WDR90: variants seen among roughly 807,000 people sequenced by gnomAD.
WDR90 encodes WD repeat-containing protein 90.
Under a neutral mutation model 195.2 loss-of-function variants are expected in WDR90, and 238 were observed. The observed-to-expected ratio is 1.22, with a 90% confidence interval of 1.10 to 1.36. The LOEUF (loss-of-function observed/expected upper bound fraction) is 1.36. Ranked by LOEUF, WDR90 falls within the 40% of genes most tolerant of loss-of-function variation. The probability of loss-of-function intolerance (pLI) is 0.00; values close to 1 mark genes in which losing one functional copy is unlikely to be tolerated. For synonymous variants in WDR90, 1,265 were observed against 1,052.4 expected (o/e 1.20, Z -3.91); for missense variants, 2,734 against 2,439.5 (o/e 1.12, Z -2.54).
rs200636597 is a variant in WDR90, at chr16:666,808, C to G, written c.5004+16C>G. 5.0e-6 allele frequency: 8 copies of G among 1,612,530 alleles called. No individual in the cohort carries two copies. The African/African-American group carries it at 8.0e-5, about 16-fold the overall frequency. On this transcript the variant is annotated intron_variant, in intron 39 of 40. Transcript: ENST00000293879. ...CCAGAAGCAGGTACACGCAGCTGCC[C>G]GCGTGTCACTGGGAGCCCCAGGGAT... is the stretch of plus-strand genomic sequence containing the variant.
chr16:658,162 G>T, intron 21 of WDR90, 21 bp from the exon 22 acceptor site: 1 of 1,598,714 alleles, frequency 6.3e-7, no homozygotes. Context: ...CTGACTGTCG[G>T]CCACTTACCA....
At chr16:649,701 C>T (rs1863346076) in intron 1 of WDR90, 62 bp from the exon 2 acceptor site, 3 of 1,490,356 alleles carry the variant, frequency 2.0e-6, no homozygotes, top group Non-Finnish European at 2.7e-6. Flanking sequence ...CCCGGCCCAG[C>T]CCCGCAGTGG....
chr16:666,730 C>T lies in WDR90; in HGVS notation c.4942C>T (p.Leu1648=). The T allele has an allele frequency of 6.8e-6, 11 of 1,612,826 alleles. No individual in the cohort carries two copies. The highest frequency in any genetic ancestry group is 9.3e-6 in the Non-Finnish European group (11 of 1,179,966). Residue 1648 remains leucine (L), a synonymous_variant, in exon 39 of 41, where the codon CTG becomes TTG. Transcript: ENST00000293879. Reference sequence around the variant, plus strand: ...CTTCTGCCCTTGGGATGGGGCGCTCCTGATGTACGTGGGCCCCGGTGTTTA... The same window carrying T: ...CTTCTGCCCTTGGGATGGGGCGCTCTTGATGTACGTGGGCCCCGGTGTTTA... ...AAFCPWDGAL[L]MYVGPGVYKE...
Position 667,449 on chromosome 16 carries a change from G to C in WDR90, c.5107G>C (p.Val1703Leu). Residue 1703 changes from valine (V) to leucine (L), a missense_variant, in exon 41 of 41, where the codon GTA becomes CTA. Coordinates refer to ENST00000293879, the MANE Select transcript of WDR90 (RefSeq NM_145294.5). ...ACCCACAGAGTGCATGCTGAGGCTG[G>C]TAGACTGTGCCATGGGGACTGCCCA... ...VGFAECMLRL[V>L]DCAMGTAQDF... is the part of the protein sequence containing the mutation. 6.2e-7 allele frequency: 1 copy of C among 1,603,250 alleles called. No homozygotes were observed. The highest frequency in any genetic ancestry group is 1.7e-5 in the Admixed American group (1 of 59,854).
Position 651,722 on chromosome 16 carries a change from T to C in WDR90, c.815T>C (p.Val272Ala). The C allele has an allele frequency of 1.9e-6, 3 of 1,613,104 alleles. No homozygotes were observed. Among genetic ancestry groups the C allele is most frequent in the South Asian group, 1.1e-5 (1 of 91,088 alleles). Residue 272 changes from valine (V) to alanine (A), a missense_variant, in exon 8 of 41, where the codon GTG becomes GCG. Val to Ala is a moderately conservative substitution (Grantham distance 64). Transcript: ENST00000293879. ...SKPVRFSVSP[V>A]VQTPSPTASG... The stretch of plus-strand genomic sequence containing the variant: ...CCTGTGCGGTTCAGTGTGTCTCCAG[T>C]GGTCCAGACGCCCAGCCCCACAGCC...
intron 34 of WDR90, chr16:665,405 T>C (rs1369848796): frequency 3.4e-6 from 2 of 591,450 alleles, no homozygotes; most frequent in East Asian, 5.7e-5. Flanking sequence ...GCCACGCTCC[T>C]GTCTTTGAGG....
intron 34 of WDR90, chr16:663,156 GT>G (rs1442974760): frequency 2.2e-6 from 1 of 448,450 alleles, no homozygotes; most frequent in East Asian, 5.1e-5. Flanking sequence ...AATCACATCA[GT>G]CCGGGCGTGG....
At chr16:661,293 T>G in intron 29 of WDR90, 49 bp from the exon 30 acceptor site, 2 of 1,546,162 alleles carry the variant, frequency 1.3e-6, no homozygotes, top group Non-Finnish European at 1.7e-6. Context: ...CAGCCTCCAC[T>G]CCAGCCAGCC....
At chr16:661,003 C>A in intron 28 of WDR90, 48 bp from the exon 29 acceptor site, 1 of 94,710 alleles carries the variant, frequency 1.1e-5, no homozygotes, top group Non-Finnish European at 1.6e-5. Flanking sequence ...CCTCCCCGCC[C>A]CCCCCCCCCC....
Position 655,379 on chromosome 16 carries a change from G to A in WDR90, c.1629G>A (p.Val543=), listed in dbSNP as rs761282359. Reference sequence around the variant, plus strand: ...GCGGGGTGCTGCGTTCCTGCCCCGTGGACTTAGGGGAGCACCACGCGCTGC... The same window carrying A: ...GCGGGGTGCTGCGTTCCTGCCCCGTAGACTTAGGGGAGCACCACGCGCTGC... ...LRGGVLRSCP[V]DLGEHHALQF... Residue 543 remains valine (V), a synonymous_variant, in exon 15 of 41, where the codon GTG becomes GTA. Coordinates refer to ENST00000293879, the MANE Select transcript of WDR90 (RefSeq NM_145294.5). The A allele has an allele frequency of 4.4e-6, 7 of 1,599,688 alleles. No individual in the cohort carries two copies. The African/African-American group carries it at 6.7e-5, about 15-fold the overall frequency.
chr16:667,303 C>T (rs2038116076), intron 40 of WDR90, 129 bp from the exon 41 acceptor site: 2 of 1,283,880 alleles, frequency 1.6e-6, no homozygotes, highest in Non-Finnish European at 2.1e-6. Context: ...AGGGCACAGC[C>T]AGGAGCCCTT....
intron 17 of WDR90, 194 bp downstream of exon 17, chr16:656,083 A>G: frequency 1.3e-6 from 1 of 780,712 alleles, no homozygotes; most frequent in South Asian, 1.8e-5. Context: ...GCCTCACGGA[A>G]GGGCCCGGTG....
chr16:656,839 C>A lies in WDR90; in HGVS notation c.2310C>A (p.Ser770Arg). ...GFSSGAVRSF[S>R]LEAAEVLVEH... ...GCAGTGGGGCCGTGCGCTCCTTCAG[C>A]CTGGAGGCCGCTGAGGTCCTGGTGG... is the stretch of plus-strand genomic sequence containing the variant. Residue 770 changes from serine (S) to arginine (R), a missense_variant, in exon 19 of 41, where the codon AGC becomes AGA. Physicochemically the swap from Ser to Arg is moderately radical, Grantham distance 110. Transcript: ENST00000293879. 6.2e-7 allele frequency: 1 copy of A among 1,612,970 alleles called. No individual in the cohort carries two copies. Among genetic ancestry groups the A allele is most frequent in the Non-Finnish European group, 8.5e-7 (1 of 1,179,960 alleles).
At chr16:652,123 C>A in intron 9 of WDR90, 84 bp downstream of exon 9, 1 of 1,426,738 alleles carries the variant, frequency 7.0e-7, no homozygotes. Context: ...GCATTCAGAA[C>A]GGATGTGCCT....
rs1020071362 is a variant in WDR90 at position 656,133 on chromosome 16, G to A, written c.1967-169G>A. ...TGTGAAGCCCCTCAGCCTGGGTCCCGCCTAGCCTAAGAGTGGTGGCCTCGA... is the reference window on the plus strand; with the variant it reads ...TGTGAAGCCCCTCAGCCTGGGTCCCACCTAGCCTAAGAGTGGTGGCCTCGA... On this transcript the variant is annotated intron_variant, in intron 17 of 40. Transcript: ENST00000293879. The A allele has an allele frequency of 9.0e-6, 7 of 779,568 alleles. No homozygotes were observed. The East Asian group carries it at 1.3e-4, about 15-fold the overall frequency. 48.3% of individuals were successfully genotyped at this position (779,568 alleles called of 1,614,324 possible).
intron 29 of WDR90, 74 bp from the exon 30 acceptor site, chr16:661,268 A>G: frequency 1.3e-6 from 2 of 1,530,662 alleles, no homozygotes; most frequent in Non-Finnish European, 1.8e-6. Context: ...CCAAAGACGG[A>G]GCAGACGGCC....
chr16:656,002 C>A (rs1274102106), intron 17 of WDR90, 113 bp downstream of exon 17: 4 of 1,244,598 alleles, frequency 3.2e-6, no homozygotes, highest in Non-Finnish European at 4.3e-6. Context: ...CCTGGCTGCA[C>A]AGGGTGCCAC....
intron 28 of WDR90, 61 bp from the exon 29 acceptor site, chr16:660,990 G>T: frequency 4.6e-5 from 1 of 21,756 alleles, no homozygotes; most frequent in Non-Finnish European, 6.6e-5. Flanking sequence ...CCCTCCCCAG[G>T]CCCCTCCCCG....
rs1336232510 is a variant in WDR90, at chr16:658,179, C to T, written c.2605-4C>T. 1.2e-6 allele frequency: 2 copies of T among 1,607,014 alleles called. No homozygotes were observed. The highest frequency in any genetic ancestry group is 2.2e-5 in the South Asian group (2 of 90,870). On this transcript the variant is annotated splice_polypyrimidine_tract_variant and splice_region_variant and intron_variant, in intron 21 of 40. Coordinates refer to ENST00000293879, the MANE Select transcript of WDR90 (RefSeq NM_145294.5). ...GACTGTCGGCCACTTACCACTACCCCCAGCTGCTGCGAGTTGACATCGGCA... is the reference window on the plus strand; with the variant it reads ...GACTGTCGGCCACTTACCACTACCCTCAGCTGCTGCGAGTTGACATCGGCA...
Sources: allele counts gnomAD v4.1 joint callset, GRCh38; gene constraint gnomAD v4.1.1; transcripts MANE v1.5; gene names NCBI Gene and HGNC (gene_info 2026-07-23, HGNC 2026-07-21).